Variants in PAWR observed in about 807,000 individuals in gnomAD.
The protein encoded by PAWR is PRKC apoptosis WT1 regulator protein.
Under a neutral mutation model 32.0 loss-of-function variants are expected in PAWR, and 23 were observed. That is an observed-to-expected ratio of 0.72 (90% CI 0.52 to 1.02). PAWR has a LOEUF of 1.02. Ranked by LOEUF, PAWR falls within the 50% of genes least tolerant of loss-of-function variation. The pLI is 0.00. For missense variants in PAWR, 457 were observed against 437.7 expected (o/e 1.04, Z -0.39); for synonymous variants, 226 against 187.1 (o/e 1.21, Z -1.70).
intron 2 of PAWR, among the ~76,000 whole-genome samples, chr12:79,644,305 A>T (rs995717913): frequency 3.9e-5 from 6 of 152,166 alleles, no homozygotes; most frequent in Non-Finnish European, 7.4e-5. Context: ...TTTACTGAAA[A>T]ATGCTCTTGT....
intron 2 of PAWR, among the ~76,000 whole-genome samples, chr12:79,655,986 T>C (rs1033362691): frequency 6.6e-6 from 1 of 152,180 alleles, no homozygotes; most frequent in Admixed American, 6.5e-5. Flanking sequence ...TGATATCTAA[T>C]AGAGATAAGC....
At chr12:79,678,074 C>T (rs1303721373) in intron 2 of PAWR, among the ~76,000 whole-genome samples, 1 of 152,110 alleles carries the variant, frequency 6.6e-6, no homozygotes, top group Non-Finnish European at 1.5e-5. Context: ...AGATCCTATC[C>T]TCTAGTTTCT....
chr12:79,623,373 T>C (rs142380988), intron 2 of PAWR, among the ~76,000 whole-genome samples: 9 of 152,292 alleles, frequency 5.9e-5, no homozygotes, highest in African/African-American at 1.4e-4. Flanking sequence ...ATTAACATAA[T>C]TGTTAACATC....
rs542782049 is a variant in PAWR, at chr12:79,636,222, T to C, written c.517-15015A>G. 4.6e-5 allele frequency among the ~76,000 whole-genome samples: 7 copies of C among 152,208 alleles called. No individual in the cohort carries two copies. In the South Asian group the frequency reaches 1.4e-3, roughly 32 times the overall value. ...GTTCATAGACTAAATAACAAAAAGA[T>C]TCATCTCATGGCAGCTTTTTCCTAT... On this transcript the variant is annotated intron_variant, in intron 2 of 6. Transcript: ENST00000328827.
chr12:79,610,474 G>A (rs1465343262), intron 4 of PAWR, among the ~76,000 whole-genome samples: 2 of 152,124 alleles, frequency 1.3e-5, no homozygotes, highest in Non-Finnish European at 2.9e-5. Flanking sequence ...AAATAAAGTA[G>A]ACAGAAATTA....
intron 2 of PAWR, among the ~76,000 whole-genome samples, chr12:79,636,216 A>G (rs1208582517): frequency 6.6e-6 from 1 of 152,162 alleles, no homozygotes; most frequent in East Asian, 1.9e-4. Context: ...CTAAATAACA[A>G]AAAGATTCAT....
chr12:79,676,216 GT>G (rs1441930968), intron 2 of PAWR, among the ~76,000 whole-genome samples: 1 of 152,106 alleles, frequency 6.6e-6, no homozygotes, highest in Non-Finnish European at 1.5e-5. Context: ...ACTTAGAATA[GT>G]ACCAGGCTCA....
Position 79,602,056 on chromosome 12 carries a change from A to G in PAWR, c.684-5398T>C, listed in dbSNP as rs143342510. ...ACATATTTTGTAATAGTTAAACTAG[A>G]TAACTCATAAATCCGCATAGATGGA... is the stretch of plus-strand genomic sequence containing the variant. On this transcript the variant is annotated intron_variant, in intron 4 of 6. Coordinates refer to ENST00000328827, the MANE Select transcript of PAWR (RefSeq NM_002583.4). Among the ~76,000 whole-genome samples, 626 of 152,322 alleles carry G rather than the reference A, an allele frequency of 4.1e-3. 12 individuals are homozygous for G. Among genetic ancestry groups the G allele is most frequent in the African/African-American group, 0.014 (593 of 41,574 alleles).
intron 4 of PAWR, chr12:79,603,678 T>C (rs893593905): frequency 1.4e-5 from 2 of 139,520 alleles, no homozygotes; most frequent in Admixed American, 7.1e-5. Flanking sequence ...TTTTTTTTTT[T>C]TTTTTTTTTT....
chr12:79,674,064 A>G (rs897396117), intron 2 of PAWR, among the ~76,000 whole-genome samples: 4 of 152,194 alleles, frequency 2.6e-5, no homozygotes, highest in African/African-American at 7.2e-5. Context: ...TCTAAAATTC[A>G]TCTGGAAACA....
At chr12:79,632,334 T>TAC (rs1384427142) in intron 2 of PAWR, among the ~76,000 whole-genome samples, 4 of 55,082 alleles carry the variant, frequency 7.3e-5, no homozygotes, top group Non-Finnish European at 1.1e-4. Flanking sequence ...TATATATATA[T>TAC]ATATATATAT....
At chr12:79,668,429 A>G (rs1877717417) in intron 2 of PAWR, 1 of 152,200 alleles carries the variant, frequency 6.6e-6, no homozygotes, top group Admixed American at 6.5e-5. Flanking sequence ...AGAAACAAAA[A>G]CAACTGGTTA....
intron 5 of PAWR, among the ~76,000 whole-genome samples, chr12:79,594,771 G>A (rs139289453): frequency 1.1e-4 from 17 of 152,232 alleles, no homozygotes; most frequent in Non-Finnish European, 2.4e-4. Context: ...CCAGGCTGGA[G>A]TGCAATGGCA....
chr12:79,635,264 C>T (rs976267848), intron 2 of PAWR, among the ~76,000 whole-genome samples: 5 of 152,046 alleles, frequency 3.3e-5, no homozygotes, highest in Non-Finnish European at 5.9e-5. Flanking sequence ...CCAAGTATGT[C>T]TCTGGGGCAA....
intron 3 of PAWR, among the ~76,000 whole-genome samples, chr12:79,620,480 G>C (rs1874949983): frequency 6.6e-6 from 1 of 152,146 alleles, no homozygotes; most frequent in African/African-American, 2.4e-5. Context: ...TAAGAAATCA[G>C]AGCCTGAGCA....
chr12:79,647,970 A>G (rs1371872647), intron 2 of PAWR, among the ~76,000 whole-genome samples: 1 of 152,020 alleles, frequency 6.6e-6, no homozygotes, highest in Non-Finnish European at 1.5e-5. Context: ...AAGAGCATGC[A>G]ACCTAGATCT....
chr12:79,670,089 T>C (rs1565699557), intron 2 of PAWR, among the ~76,000 whole-genome samples: 1 of 152,336 alleles, frequency 6.6e-6, no homozygotes, highest in South Asian at 2.1e-4. Flanking sequence ...TAGGTGGATG[T>C]TTGAAACAGG....
chr12:79,587,447 G>A lies in PAWR; in HGVS notation c.*5160C>T, dbSNP rs1349922099. ...AACTTTGAAGGACCTGAAATTCTTT[G>A]GACACCATCAGATTTAGTTTATAAG... On this transcript the variant is annotated 3_prime_UTR_variant, in exon 7 of 7. Coordinates refer to ENST00000328827, the MANE Select transcript of PAWR (RefSeq NM_002583.4). 1 of 151,868 alleles carries A rather than the reference G, an allele frequency of 6.6e-6. No homozygotes were observed. Among genetic ancestry groups the A allele is most frequent in the African/African-American group, 2.4e-5 (1 of 41,360 alleles). 9.4% of individuals were successfully genotyped at this position (151,868 alleles called of 1,614,324 possible). A position where few individuals can be genotyped will look rare whatever the true frequency, so the allele number is the denominator to read the frequency against.
intron 2 of PAWR, among the ~76,000 whole-genome samples, chr12:79,677,685 C>T (rs896180118): frequency 6.6e-6 from 1 of 152,038 alleles, no homozygotes; most frequent in African/African-American, 2.4e-5. Context: ...TTGAGTTCCT[C>T]GAAGATACTA....
Sources: allele counts gnomAD v4.1 joint callset (sites outside exome capture counted in the v4.1 genomes callset), GRCh38; gene constraint gnomAD v4.1.1; transcripts MANE v1.5; gene names NCBI Gene and HGNC (gene_info 2026-07-23, HGNC 2026-07-21).